The following KLHL29 variants were observed in gnomAD, a reference collection of about 807,000 sequenced individuals.
KLHL29 encodes kelch like family member 29.
A neutral mutation model predicts 80.4 loss-of-function variants in KLHL29; 21 were observed. The observed-to-expected ratio is 0.26, with a 90% CI of 0.19 to 0.38. The LOEUF (loss-of-function observed/expected upper bound fraction) is 0.38, where lower values mean the gene tolerates loss of function less well. Ranked by LOEUF, KLHL29 falls within the 10% of genes least tolerant of loss-of-function variation. The pLI is 1.00. For synonymous variants in KLHL29, 511 were observed against 526.8 expected, an observed-to-expected ratio of 0.97 and a Z score of 0.41; for missense variants, 867 against 1,223.9, an observed-to-expected ratio of 0.71 and a Z score of 4.35.
intron 3 of KLHL29, among the ~76,000 whole-genome samples, chr2:23,566,681 C>T (rs1667597853): frequency 6.6e-6 from 1 of 152,228 alleles, no homozygotes. Flanking sequence ...AATCCTAGCT[C>T]CGCCACTTAG....
At chr2:23,519,079 G>T (rs1000089104) in intron 2 of KLHL29, among the ~76,000 whole-genome samples, 1 of 152,178 alleles carries the variant, frequency 6.6e-6, no homozygotes, top group South Asian at 2.1e-4. Flanking sequence ...CACAGACCAT[G>T]CCCTGGAATG....
intron 5 of KLHL29, among the ~76,000 whole-genome samples, chr2:23,656,932 GAAAAA>G (rs58320389): frequency 9.1e-6 from 1 of 110,100 alleles, no homozygotes; most frequent in African/African-American, 3.4e-5. Flanking sequence ...TCCCCAACAG[GAAAAA>G]AAAAAAAAAA....
chr2:23,586,685 C>T lies in KLHL29; in HGVS notation c.285+24204C>T, dbSNP rs539140174. Among the ~76,000 whole-genome samples the T allele has an allele frequency of 1.5e-3, 230 of 152,196 alleles. 1 individual carries two copies. Among genetic ancestry groups the T allele is most frequent in the African/African-American group, 5.1e-3 (213 of 41,520 alleles). On this transcript the variant is annotated intron_variant, in intron 3 of 13. Coordinates refer to ENST00000486442, the MANE Select transcript of KLHL29 (RefSeq NM_052920.2). ...CAGCGTTACTTTTTAAAGTAAGGAT[C>T]GGGGGATGACCTCAGGAAACGTCCA...
chr2:23,387,362 C>A (rs1416490679), intron 1 of KLHL29, among the ~76,000 whole-genome samples: 1 of 152,176 alleles, frequency 6.6e-6, no homozygotes, highest in African/African-American at 2.4e-5. Flanking sequence ...GTTTCAGTCT[C>A]TTTAAAGTCA....
intron 2 of KLHL29, among the ~76,000 whole-genome samples, chr2:23,523,774 A>G (rs1389804313): frequency 2.0e-5 from 3 of 152,238 alleles, no homozygotes; most frequent in Non-Finnish European, 4.4e-5. Flanking sequence ...CAATAAGCCG[A>G]CGAGGGAGCA....
chr2:23,587,471 G>C (rs947568703), intron 3 of KLHL29, among the ~76,000 whole-genome samples: 1 of 152,102 alleles, frequency 6.6e-6, no homozygotes, highest in Non-Finnish European at 1.5e-5. Flanking sequence ...TAAGCCACCA[G>C]GAGAGCCCAG....
At chr2:23,654,694 GTT>G (rs1491251283) in intron 5 of KLHL29, among the ~76,000 whole-genome samples, 32 of 85,600 alleles carry the variant, frequency 3.7e-4, no homozygotes, top group Non-Finnish European at 5.9e-4. Context: ...GGGAACAGAG[GTT>G]GGGGGGGGGG....
chr2:23,614,772 C>G (rs771490059), intron 3 of KLHL29, among the ~76,000 whole-genome samples: 2 of 152,038 alleles, frequency 1.3e-5, no homozygotes, highest in Non-Finnish European at 1.5e-5. Flanking sequence ...GGTCGCTGAT[C>G]GCTGAGGGAG....
chr2:23,658,813 G>A (rs1000535936), intron 5 of KLHL29, among the ~76,000 whole-genome samples: 46 of 152,282 alleles, frequency 3.0e-4, no homozygotes, highest in African/African-American at 8.4e-4. Context: ...GCCTTGCGCC[G>A]CTCAAATTGC....
At chr2:23,552,210 C>T (rs1667148623) in intron 2 of KLHL29, among the ~76,000 whole-genome samples, 1 of 152,196 alleles carries the variant, frequency 6.6e-6, no homozygotes, top group African/African-American at 2.4e-5. Context: ...ACCAGCACCT[C>T]CCGTTTAAGT....
chr2:23,684,493 T>C lies in KLHL29; in HGVS notation c.1035T>C (p.Asn345=). The change falls in exon 6 of 14, where the codon AAT becomes AAC. Residue 345 remains asparagine (N), a synonymous_variant. Coordinates refer to ENST00000486442, the MANE Select transcript of KLHL29 (RefSeq NM_052920.2). This position sits in a 1 kb window ranked among gnomAD's most constrained non-coding sequence, Gnocchi z 4.4. ...GCAGAGAGTTTGAAGTCCACCAAAA[T>C]GTTCTAGCTTCCTGCAGCTTGTATT... The part of the protein sequence containing the change: ...VEGREFEVHQ[N]VLASCSLYFK... 1 of 1,551,130 alleles carries C rather than the reference T, an allele frequency of 6.4e-7. No homozygotes were observed. The highest frequency in any genetic ancestry group is 8.7e-7 in the Non-Finnish European group (1 of 1,146,864).
intron 1 of KLHL29, among the ~76,000 whole-genome samples, chr2:23,451,748 T>C (rs571194641): frequency 6.6e-6 from 1 of 152,370 alleles, no homozygotes; most frequent in Non-Finnish European, 1.5e-5. Context: ...GGGATCAACG[T>C]TGACCCAGAA....
intron 1 of KLHL29, among the ~76,000 whole-genome samples, chr2:23,426,713 G>A (rs1235662616): frequency 6.6e-6 from 1 of 152,204 alleles, no homozygotes; most frequent in Non-Finnish European, 1.5e-5. Flanking sequence ...CGAGAATCCA[G>A]TGCAGCACTC....
chr2:23,458,580 A>T (rs984287839), intron 1 of KLHL29, among the ~76,000 whole-genome samples: 2 of 152,244 alleles, frequency 1.3e-5, no homozygotes, highest in African/African-American at 2.4e-5. Context: ...AATTATAATT[A>T]TGAACACGTG....
intron 3 of KLHL29, among the ~76,000 whole-genome samples, chr2:23,591,218 A>G (rs1240913108): frequency 6.6e-6 from 1 of 152,092 alleles, no homozygotes; most frequent in Non-Finnish European, 1.5e-5. Flanking sequence ...GCCCTGAGGG[A>G]GGGGTGAGGA....
Position 23,653,039 on chromosome 2 carries a change from G to A in KLHL29, c.940+10189G>A, listed in dbSNP as rs144133464. ...CCTACCCTACCCCCATGCCCCAGCC[G>A]TGCACGCTGAAGCAACTCACCGCCT... is the stretch of plus-strand genomic sequence containing the variant. On this transcript the variant is annotated intron_variant, in intron 5 of 13. Coordinates refer to ENST00000486442, the MANE Select transcript of KLHL29 (RefSeq NM_052920.2). Among the ~76,000 whole-genome samples, 224 of 152,248 alleles carry A rather than the reference G, an allele frequency of 1.5e-3. 2 individuals are homozygous for A. Among genetic ancestry groups the A allele is most frequent in the African/African-American group, 4.9e-3 (204 of 41,532 alleles).
intron 5 of KLHL29, among the ~76,000 whole-genome samples, chr2:23,644,936 C>T (rs563150844): frequency 3.9e-5 from 6 of 152,326 alleles, no homozygotes; most frequent in Non-Finnish European, 8.8e-5. Context: ...AACAACTGAC[C>T]GGTCCATCAC....
At chr2:23,425,234 TA>T (rs1662975227) in intron 1 of KLHL29, among the ~76,000 whole-genome samples, 1 of 152,198 alleles carries the variant, frequency 6.6e-6, no homozygotes, top group Middle Eastern at 3.2e-3. Context: ...TTTTTAATTG[TA>T]GGGGGTTTGT....
intron 5 of KLHL29, among the ~76,000 whole-genome samples, chr2:23,666,376 C>T (rs1432563577): frequency 6.6e-6 from 1 of 152,210 alleles, no homozygotes; most frequent in Non-Finnish European, 1.5e-5. Context: ...TCCCTCCACC[C>T]CAGGCAGCAA....
Sources: allele counts gnomAD v4.1 joint callset (sites outside exome capture counted in the v4.1 genomes callset), GRCh38; gene constraint gnomAD v4.1.1; non-coding constraint Gnocchi (gnomAD v3.1); transcripts MANE v1.5; gene names NCBI Gene and HGNC (gene_info 2026-07-23, HGNC 2026-07-21).